The following DRC10 variants were observed in gnomAD, a reference collection of about 807,000 sequenced individuals.
The protein encoded by DRC10 is dynein regulatory complex subunit 10, also known as IQ domain-containing protein D.
chr12:113,200,657 G>T, the DRC10 span: 1 of 1,536,082 alleles, frequency 6.5e-7, no homozygotes, highest in Non-Finnish European at 8.7e-7. Context: ...AGGATCTCCT[G>T]CTGGATCTTG....
the DRC10 span, chr12:113,208,072 T>C: frequency 6.2e-7 from 1 of 1,614,242 alleles, no homozygotes; most frequent in Non-Finnish European, 8.5e-7. Flanking sequence ...TTTTAGTGGA[T>C]CAGCTGGCCT....
At chr12:113,213,092 T>A in the DRC10 span, among the ~76,000 whole-genome samples, 1 of 151,616 alleles carries the variant, frequency 6.6e-6, no homozygotes, top group East Asian at 1.9e-4. Flanking sequence ...TATATATTTT[T>A]TCCCCCTGGA....
At chr12:113,216,341 G>A in the DRC10 span, among the ~76,000 whole-genome samples, 1 of 152,190 alleles carries the variant, frequency 6.6e-6, no homozygotes, top group African/African-American at 2.4e-5. Flanking sequence ...TATGGAGATA[G>A]TAAAAAGATC....
chr12:113,202,130 G>C, the DRC10 span, among the ~76,000 whole-genome samples: 5 of 152,180 alleles, frequency 3.3e-5, no homozygotes, highest in Non-Finnish European at 5.9e-5. Flanking sequence ...CCCTGCCCGA[G>C]GGCTCAGCAG....
the DRC10 span, among the ~76,000 whole-genome samples, chr12:113,213,650 A>G: frequency 6.6e-6 from 1 of 152,242 alleles, no homozygotes; most frequent in Non-Finnish European, 1.5e-5. Context: ...TATTCTGTCC[A>G]GTCTCTTGAT....
chr12:113,207,399 G>T, the DRC10 span: 1 of 1,507,544 alleles, frequency 6.6e-7, no homozygotes, highest in Non-Finnish European at 9.2e-7. Context: ...AGATTTGTGT[G>T]GCTTCTTCAG....
chr12:113,212,051 C>T, the DRC10 span, among the ~76,000 whole-genome samples: 6 of 149,078 alleles, frequency 4.0e-5, no homozygotes, highest in African/African-American at 9.9e-5. Flanking sequence ...GGTGACAGAG[C>T]GAGATCCTAT....
chr12:113,216,293 ATC>A, the DRC10 span, among the ~76,000 whole-genome samples: 27 of 152,220 alleles, frequency 1.8e-4, 1 homozygote, highest in Non-Finnish European at 1.5e-5. Context: ...TGCATATGGT[ATC>A]ACTCCAACTA....
the DRC10 span, among the ~76,000 whole-genome samples, chr12:113,217,618 AC>A: frequency 2.0e-5 from 3 of 151,624 alleles, no homozygotes; most frequent in South Asian, 4.2e-4. Context: ...TGCAACCTCC[AC>A]CCCCCTGGTT....
the DRC10 span, among the ~76,000 whole-genome samples, chr12:113,213,190 A>C: frequency 0.073 from 10,509 of 142,984 alleles, 417 homozygotes; most frequent in African/African-American, 0.12. Context: ...AAAAAAAAAA[A>C]AAAAAAAAAA....
the DRC10 span, among the ~76,000 whole-genome samples, chr12:113,214,507 CAAAA>C: frequency 2.0e-5 from 1 of 50,322 alleles, no homozygotes; most frequent in Non-Finnish European, 4.2e-5. Context: ...GACTCCGTCT[CAAAA>C]AAAAAAAAAA....
chr12:113,211,361 C>G, the DRC10 span, among the ~76,000 whole-genome samples: 1 of 152,070 alleles, frequency 6.6e-6, no homozygotes, highest in Non-Finnish European at 1.5e-5. Flanking sequence ...AAGAACACAC[C>G]AAGAGAATGG....
At chr12:113,212,685 C>T in the DRC10 span, among the ~76,000 whole-genome samples, 1 of 152,160 alleles carries the variant, frequency 6.6e-6, no homozygotes, top group African/African-American at 2.4e-5. Context: ...CTTGACAGCT[C>T]ATTTGGGTGA....
chr12:113,203,119 G>T, the DRC10 span: 1 of 428,938 alleles, frequency 2.3e-6, no homozygotes. Flanking sequence ...TCTGCCTTCT[G>T]GGCGCAAGTG....
the DRC10 span, among the ~76,000 whole-genome samples, chr12:113,209,737 G>A: frequency 6.6e-6 from 1 of 152,170 alleles, no homozygotes; most frequent in African/African-American, 2.4e-5. Context: ...TTAACATTAG[G>A]GGGAGCAGAA....
the DRC10 span, chr12:113,207,220 C>T: frequency 1.0e-4 from 63 of 605,850 alleles, no homozygotes; most frequent in Middle Eastern, 4.2e-4. Flanking sequence ...TGGTGGCATA[C>T]GCCTGTAATC....
chr12:113,197,480 A>G, the DRC10 span: 17 of 1,173,684 alleles, frequency 1.4e-5, no homozygotes, highest in Admixed American at 3.2e-4. Context: ...TTTCCCATTC[A>G]TCCCATTCCT....
the DRC10 span, among the ~76,000 whole-genome samples, chr12:113,209,423 G>A: frequency 2.6e-5 from 4 of 152,134 alleles, no homozygotes; most frequent in Non-Finnish European, 5.9e-5. Context: ...TTTTGTAGGC[G>A]CTCTGTTACC....
the DRC10 span, among the ~76,000 whole-genome samples, chr12:113,208,825 A>T: frequency 6.6e-6 from 1 of 152,240 alleles, no homozygotes. Flanking sequence ...CGACGGAACC[A>T]CAGGCCTCAG....
Sources: gnomAD v4.1 joint callset for allele counts (sites outside exome capture counted in the v4.1 genomes callset) on GRCh38, gnomAD v4.1.1 for gene constraint, MANE v1.5 for transcripts, NCBI Gene and HGNC (gene_info 2026-07-23, HGNC 2026-07-21) for gene names.